Variants in ASH2L observed in about 807,000 individuals in gnomAD.
The protein encoded by ASH2L is ASH2 like, histone lysine methyltransferase complex subunit.
Under a neutral mutation model 81.1 loss-of-function variants are expected in ASH2L, and 30 were observed. That is an observed-to-expected ratio of 0.37 (90% CI 0.28 to 0.50). The LOEUF (loss-of-function observed/expected upper bound fraction) is 0.50, where lower values mean the gene tolerates loss of function less well. Among genes scored for constraint, ASH2L ranks in the 20% least tolerant of loss-of-function variants. ASH2L has a pLI of 0.95. For missense variants in ASH2L, 559 were observed against 792.1 expected, an observed-to-expected ratio of 0.71 and a Z score of 3.53; for synonymous variants, 273 against 279.9, an observed-to-expected ratio of 0.98 and a Z score of 0.24.
chr8:38,111,430 C>G (rs1039930700), intron 5 of ASH2L, among the ~76,000 whole-genome samples: 1 of 150,902 alleles, frequency 6.6e-6, no homozygotes, highest in African/African-American at 2.4e-5. Context: ...TGAAAAGTTT[C>G]AAGGTGGAAT....
chr8:38,116,756 A>G (rs1281619066), intron 8 of ASH2L, 31 bp downstream of exon 8: 2 of 1,572,238 alleles, frequency 1.3e-6, no homozygotes, highest in African/African-American at 2.7e-5. Flanking sequence ...TTGCTGAAAT[A>G]TTTGGAAGCT....
chr8:38,135,541 T>A, intron 13 of ASH2L, 127 bp from the exon 14 acceptor site: 1 of 623,472 alleles, frequency 1.6e-6, no homozygotes, highest in Non-Finnish European at 2.8e-6. Context: ...TTACACAAGT[T>A]ATGCACTGTT....
At chr8:38,106,506 CT>C (rs112972804) in intron 2 of ASH2L, 62 bp downstream of exon 2, 176,067 of 928,266 alleles carry the variant, frequency 0.19, 1 homozygote, top group Middle Eastern at 0.21. Flanking sequence ...TCTTCTTCTT[CT>C]TTTTTTTTTT....
At chr8:38,122,225 C>T (rs957743290) in intron 10 of ASH2L, 3 of 150,674 alleles carry the variant, frequency 2.0e-5, no homozygotes, top group East Asian at 1.9e-4. Context: ...TTCGATAAGC[C>T]GTGTCTTTTT....
intron 13 of ASH2L, among the ~76,000 whole-genome samples, chr8:38,134,637 G>A (rs1248799964): frequency 6.6e-6 from 1 of 152,172 alleles, no homozygotes; most frequent in Non-Finnish European, 1.5e-5. Flanking sequence ...GGATGTAGAG[G>A]AAGAAAGTTA....
intron 3 of ASH2L, among the ~76,000 whole-genome samples, chr8:38,109,163 A>AT (rs1810579164): frequency 6.6e-6 from 1 of 152,218 alleles, no homozygotes; most frequent in South Asian, 2.1e-4. Context: ...CTAGCAGGGT[A>AT]TAAAAAAGGC....
intron 12 of ASH2L, among the ~76,000 whole-genome samples, chr8:38,132,660 G>A (rs1456934955): frequency 6.6e-6 from 1 of 151,562 alleles, no homozygotes; most frequent in Non-Finnish European, 1.5e-5. Context: ...GTAACCGGGT[G>A]TGGTGGCACA....
At chr8:38,111,085 C>A (rs543342590) in intron 5 of ASH2L, among the ~76,000 whole-genome samples, 64 of 152,330 alleles carry the variant, frequency 4.2e-4, no homozygotes, top group African/African-American at 1.5e-3. Context: ...CAGGCATGCG[C>A]CACCACGCCC....
chr8:38,114,346 A>C, intron 6 of ASH2L, 59 bp downstream of exon 6: 1 of 1,053,776 alleles, frequency 9.5e-7, no homozygotes. Context: ...TTTTGTAAGA[A>C]TTCAATAATA....
rs1563248967 is a variant in ASH2L, at chr8:38,107,166, C to T, written c.401C>T (p.Ser134Leu). The change falls in exon 3 of 16, where the codon TCA becomes TTA. Residue 134 changes from serine (S) to leucine (L), a missense_variant and splice_region_variant. Transcript: ENST00000343823. ...GCTGACACATTTGGCATAGATACCT[C>T]GTGAGTACTTTTCATAGTTTTTGTG... Reference protein sequence around the residue: ...FTADTFGIDTSSCLPFMTNYS... With the variant: ...FTADTFGIDTLSCLPFMTNYS... The T allele has an allele frequency of 2.5e-6, 4 of 1,613,648 alleles. No individual in the cohort carries two copies. Among genetic ancestry groups the T allele is most frequent in the Non-Finnish European group, 3.4e-6 (4 of 1,179,658 alleles).
chr8:38,113,411 C>T (rs1184473347), intron 5 of ASH2L, among the ~76,000 whole-genome samples: 1 of 152,158 alleles, frequency 6.6e-6, no homozygotes, highest in African/African-American at 2.4e-5. Flanking sequence ...ACAAAATATT[C>T]CAGGCTTTCT....
At chr8:38,120,618 T>TCCCCCC (rs33928804) in intron 9 of ASH2L, among the ~76,000 whole-genome samples, 3 of 4,582 alleles carry the variant, frequency 6.5e-4, no homozygotes, top group Non-Finnish European at 1.7e-3. Flanking sequence ...TCTCCTCCCT[T>TCCCCCC]CCCCCCCCCC....
chr8:38,105,888 C>G (rs943100660), intron 1 of ASH2L, 150 bp downstream of exon 1: 1 of 1,453,142 alleles, frequency 6.9e-7, no homozygotes, highest in Non-Finnish European at 9.0e-7. Context: ...GGCCCGTCCC[C>G]TCTCAAGCAT....
At chr8:38,124,909 C>T (rs943380258) in intron 10 of ASH2L, among the ~76,000 whole-genome samples, 1 of 152,092 alleles carries the variant, frequency 6.6e-6, no homozygotes, top group African/African-American at 2.4e-5. Flanking sequence ...TGGTGAGGAT[C>T]CCAGGCATGT....
chr8:38,109,322 T>C (rs1211708890), intron 3 of ASH2L, among the ~76,000 whole-genome samples: 1 of 152,232 alleles, frequency 6.6e-6, no homozygotes, highest in Non-Finnish European at 1.5e-5. Context: ...GAAACTCAGC[T>C]GTAACATTTG....
chr8:38,112,076 G>A (rs1252017729), intron 5 of ASH2L, among the ~76,000 whole-genome samples: 1 of 152,028 alleles, frequency 6.6e-6, no homozygotes, highest in Non-Finnish European at 1.5e-5. Flanking sequence ...GCACAGGCCC[G>A]GCTCACTGCA....
At chr8:38,133,036 G>A (rs996932923) in intron 12 of ASH2L, among the ~76,000 whole-genome samples, 1 of 150,612 alleles carries the variant, frequency 6.6e-6, no homozygotes, top group African/African-American at 2.4e-5. Flanking sequence ...GCAGTGAGAA[G>A]AGATCACACC....
At chr8:38,136,102 ATTTTTT>A (rs772313591) in intron 14 of ASH2L, among the ~76,000 whole-genome samples, 1 of 97,860 alleles carries the variant, frequency 1.0e-5, no homozygotes, top group Non-Finnish European at 2.1e-5. Context: ...GCTTACAATG[ATTTTTT>A]TTTTTTTTTT....
rs75775129 is a variant in ASH2L, at chr8:38,108,143, G to A, written c.401+977G>A. On this transcript the variant is annotated intron_variant, in intron 3 of 15. Transcript: ENST00000343823. Reference sequence around the variant, plus strand: ...TATACTTTCTAGTTAAAAGGTTAAAGTGGGTTTTAGAAATGCTGATGTCTT... The same window carrying A: ...TATACTTTCTAGTTAAAAGGTTAAAATGGGTTTTAGAAATGCTGATGTCTT... Among the ~76,000 whole-genome samples, 994 of 152,254 alleles carry A rather than the reference G, an allele frequency of 6.5e-3. 10 individuals are homozygous for A. Among genetic ancestry groups the A allele is most frequent in the African/African-American group, 0.023 (941 of 41,570 alleles).
Sources: allele counts gnomAD v4.1 joint callset (sites outside exome capture counted in the v4.1 genomes callset), GRCh38; gene constraint gnomAD v4.1.1; transcripts MANE v1.5; gene names NCBI Gene and HGNC (gene_info 2026-07-23, HGNC 2026-07-21).